ZCCHC17: variants seen among roughly 807,000 people sequenced by gnomAD.
ZCCHC17 encodes the protein zinc finger CCHC domain-containing protein 17.
In ZCCHC17, 18 loss-of-function variants were observed where a neutral mutation model predicts 30.6. The ratio of observed to expected loss-of-function variants is 0.59; its 90% CI spans 0.41 to 0.87. ZCCHC17 has a LOEUF of 0.87. ZCCHC17 is among the 40% of genes least tolerant of loss of function. The pLI, the probability that ZCCHC17 is intolerant of heterozygous loss-of-function variation, is 0.00. For synonymous variants in ZCCHC17, 88 were observed against 92.4 expected, an observed-to-expected ratio of 0.95 and a Z score of 0.27; for missense variants, 263 against 284.2, an observed-to-expected ratio of 0.93 and a Z score of 0.54.
At chr1:31,303,699 A>G (rs1056064151) in intron 1 of ZCCHC17, among the ~76,000 whole-genome samples, 7 of 152,222 alleles carry the variant, frequency 4.6e-5, no homozygotes, top group African/African-American at 1.4e-4. Context: ...ATGTACAGAT[A>G]ACATTTTTCT....
At chr1:31,319,826 G>T (rs1024603506) in intron 3 of ZCCHC17, among the ~76,000 whole-genome samples, 1 of 151,946 alleles carries the variant, frequency 6.6e-6, no homozygotes, top group African/African-American at 2.4e-5. Context: ...GATTCAACTT[G>T]CTAACTTCTT....
chr1:31,304,626 C>T (rs913856870), intron 1 of ZCCHC17, among the ~76,000 whole-genome samples: 2 of 149,476 alleles, frequency 1.3e-5, no homozygotes, highest in Non-Finnish European at 3.0e-5. Flanking sequence ...GACGGACTCT[C>T]GCTCTGTCGC....
rs777793682 is a variant in ZCCHC17 at position 31,336,909 on chromosome 1, G to A, written c.125-266G>A. Among the ~76,000 whole-genome samples, 34 of 147,994 alleles carry A rather than the reference G, an allele frequency of 2.3e-4. 2 individuals are homozygous for A. In the South Asian group the frequency reaches 3.0e-3, roughly 13 times the overall value. On this transcript the variant is annotated intron_variant, in intron 3 of 7. Transcript: ENST00000344147. ...GGCTGGTCTTGAACTCCTGAGCTCA[G>A]GCAATCTGCCCGCCTCAGCCTTCCA...
At chr1:31,314,629 G>C (rs1470665330) in intron 2 of ZCCHC17, among the ~76,000 whole-genome samples, 1 of 152,136 alleles carries the variant, frequency 6.6e-6, no homozygotes, top group African/African-American at 2.4e-5. Flanking sequence ...CTCTTTCCAA[G>C]TTTACTTTCT....
At chr1:31,308,412 A>G (rs1035845929) in intron 1 of ZCCHC17, among the ~76,000 whole-genome samples, 2 of 152,242 alleles carry the variant, frequency 1.3e-5, no homozygotes, top group East Asian at 3.8e-4. Flanking sequence ...TGTCAATTTA[A>G]TGGATGGTCA....
chr1:31,364,585 G>A lies in ZCCHC17; in HGVS notation c.*392G>A, dbSNP rs1165711260. On this transcript the variant is annotated 3_prime_UTR_variant, in exon 8 of 8. Transcript: ENST00000344147. ...AGTTCGGCTGTAGTTAGAGTGATTG[G>A]ACCCTTCCTATTGGTCTGTCCTGGG... 2 of 201,942 alleles carry A rather than the reference G, an allele frequency of 9.9e-6. No homozygotes were observed. Among genetic ancestry groups the A allele is most frequent in the Non-Finnish European group, 2.1e-5 (2 of 97,308 alleles). The allele number at this position is 201,942 out of a possible 1,614,324, so 12.5% of individuals were successfully genotyped here.
intron 5 of ZCCHC17, among the ~76,000 whole-genome samples, chr1:31,342,076 C>A (rs1447062179): frequency 6.6e-6 from 1 of 152,088 alleles, no homozygotes; most frequent in Non-Finnish European, 1.5e-5. Context: ...GATGGAGTCT[C>A]ACTCTGTTAC....
intron 2 of ZCCHC17, among the ~76,000 whole-genome samples, chr1:31,314,474 A>G (rs188775095): frequency 8.7e-4 from 132 of 151,828 alleles, no homozygotes; most frequent in African/African-American, 3.1e-3. Context: ...AGCCTAATCT[A>G]TGCCAGCACT....
At chr1:31,314,777 A>G (rs1460960010) in intron 2 of ZCCHC17, among the ~76,000 whole-genome samples, 1 of 151,916 alleles carries the variant, frequency 6.6e-6, no homozygotes, top group Non-Finnish European at 1.5e-5. Context: ...AGCGATTCTC[A>G]TGCCTCAACC....
chr1:31,352,062 C>G (rs1015143349), intron 7 of ZCCHC17, among the ~76,000 whole-genome samples: 2 of 152,192 alleles, frequency 1.3e-5, no homozygotes, highest in Admixed American at 6.5e-5. Context: ...TTTTCCTAGC[C>G]AAAGCTGTTC....
intron 3 of ZCCHC17, among the ~76,000 whole-genome samples, chr1:31,323,636 T>C (rs959867342): frequency 2.0e-5 from 3 of 152,194 alleles, no homozygotes; most frequent in African/African-American, 7.2e-5. Flanking sequence ...CTCTGTATTA[T>C]TTCTTTTGAG....
intron 7 of ZCCHC17, among the ~76,000 whole-genome samples, chr1:31,355,626 A>G (rs1290836995): frequency 6.6e-6 from 1 of 152,192 alleles, no homozygotes; most frequent in African/African-American, 2.4e-5. Context: ...TCAACCATTT[A>G]TTTAACTCTT....
intron 7 of ZCCHC17, 70 bp downstream of exon 7, chr1:31,349,044 A>T (rs777043898): frequency 2.5e-5 from 37 of 1,501,424 alleles, no homozygotes; most frequent in Non-Finnish European, 3.2e-5. Context: ...GAAAAGCCTC[A>T]TGCAGCAGTA....
Position 31,313,933 on chromosome 1 carries a change from C to T in ZCCHC17, c.66+3769C>T, listed in dbSNP as rs557667663. Among the ~76,000 whole-genome samples, 25 of 151,562 alleles carry T rather than the reference C, an allele frequency of 1.6e-4. No individual in the cohort carries two copies. In the South Asian group the frequency reaches 2.7e-3, roughly 16 times the overall value. Reference sequence around the variant, plus strand: ...AGGCTGGAGTGCAGTGGTGCAATCTCGGCTCACTGCAACCTCCACCTCCGG... The same window carrying T: ...AGGCTGGAGTGCAGTGGTGCAATCTTGGCTCACTGCAACCTCCACCTCCGG... On this transcript the variant is annotated intron_variant, in intron 2 of 7. Coordinates refer to ENST00000344147, the MANE Select transcript of ZCCHC17 (RefSeq NM_016505.4).
chr1:31,355,832 C>T (rs750466958), intron 7 of ZCCHC17, among the ~76,000 whole-genome samples: 1 of 152,184 alleles, frequency 6.6e-6, no homozygotes, highest in Non-Finnish European at 1.5e-5. Flanking sequence ...GATTCCAGCC[C>T]TCCTGTTTCC....
intron 7 of ZCCHC17, 73 bp downstream of exon 7, chr1:31,349,047 C>G: frequency 6.7e-7 from 1 of 1,487,602 alleles, no homozygotes; most frequent in East Asian, 2.3e-5. Context: ...AAGCCTCATG[C>G]AGCAGTACAC....
chr1:31,314,033 T>G (rs1225552567), intron 2 of ZCCHC17, among the ~76,000 whole-genome samples: 2 of 152,014 alleles, frequency 1.3e-5, no homozygotes, highest in Non-Finnish European at 2.9e-5. Flanking sequence ...CCGGCTAATT[T>G]TTTGTATTTT....
At chr1:31,340,308 T>C (rs1334974238) in intron 5 of ZCCHC17, among the ~76,000 whole-genome samples, 1 of 137,304 alleles carries the variant, frequency 7.3e-6, no homozygotes, top group East Asian at 2.0e-4. Flanking sequence ...AAGGGGGATC[T>C]TGGAGGGTTT....
At chr1:31,345,436 A>G (rs1639210229) in intron 5 of ZCCHC17, among the ~76,000 whole-genome samples, 2 of 149,934 alleles carry the variant, frequency 1.3e-5, no homozygotes, top group Non-Finnish European at 3.0e-5. Context: ...GATTACAGGC[A>G]TAAGCCACCA....
Sources: gnomAD v4.1 joint callset for allele counts (sites outside exome capture counted in the v4.1 genomes callset) on GRCh38, gnomAD v4.1.1 for gene constraint, MANE v1.5 for transcripts, NCBI Gene and HGNC (gene_info 2026-07-23, HGNC 2026-07-21) for gene names.